Variants in SPMIP2 observed in about 807,000 individuals in gnomAD.
SPMIP2 encodes sperm microtubule inner protein 2.
chr4:158,900,059 T>C, the SPMIP2 span, among the ~76,000 whole-genome samples: 4 of 152,240 alleles, frequency 2.6e-5, no homozygotes, highest in Non-Finnish European at 4.4e-5. Context: ...ATTGTTCTCA[T>C]TGGTTTCAAA....
At chr4:158,932,065 G>A in the SPMIP2 span, among the ~76,000 whole-genome samples, 3 of 152,042 alleles carry the variant, frequency 2.0e-5, no homozygotes, top group Non-Finnish European at 4.4e-5. Context: ...TGAGGTGGGT[G>A]GATAGATTGA....
chr4:158,960,637 C>G, the SPMIP2 span, among the ~76,000 whole-genome samples: 174 of 152,220 alleles, frequency 1.1e-3, no homozygotes, highest in African/African-American at 3.9e-3. Flanking sequence ...TGCTTTCCAG[C>G]TTTATGATTC....
the SPMIP2 span, among the ~76,000 whole-genome samples, chr4:158,957,522 G>A: frequency 3.8e-4 from 58 of 152,254 alleles, no homozygotes; most frequent in Non-Finnish European, 7.9e-4. Flanking sequence ...CATCTCCTGG[G>A]TTCAAGTGAT....
At chr4:159,029,485 G>A in the SPMIP2 span, among the ~76,000 whole-genome samples, 3 of 152,214 alleles carry the variant, frequency 2.0e-5, no homozygotes, top group African/African-American at 7.2e-5. Context: ...TGGATCCACC[G>A]ATAGTTTTTT....
the SPMIP2 span, among the ~76,000 whole-genome samples, chr4:159,061,600 G>C: frequency 6.6e-6 from 1 of 152,086 alleles, no homozygotes; most frequent in Non-Finnish European, 1.5e-5. Context: ...CTGAGGTCAG[G>C]AGTTCAAGAA....
chr4:158,974,888 T>C, the SPMIP2 span, among the ~76,000 whole-genome samples: 1 of 152,178 alleles, frequency 6.6e-6, no homozygotes, highest in African/African-American at 2.4e-5. Context: ...CGCCACACTG[T>C]CTTCCACAAT....
At chr4:158,926,473 A>C in the SPMIP2 span, among the ~76,000 whole-genome samples, 1 of 152,060 alleles carries the variant, frequency 6.6e-6, no homozygotes, top group Non-Finnish European at 1.5e-5. Flanking sequence ...AATATTTACA[A>C]ATTTTTAATT....
the SPMIP2 span, among the ~76,000 whole-genome samples, chr4:158,989,311 A>G: frequency 2.0e-5 from 3 of 152,214 alleles, no homozygotes; most frequent in African/African-American, 7.2e-5. Context: ...ATACTGCCCA[A>G]AGTAATTTAT....
chr4:158,970,806 T>C, the SPMIP2 span, among the ~76,000 whole-genome samples: 12 of 152,220 alleles, frequency 7.9e-5, no homozygotes, highest in Admixed American at 1.3e-4. Flanking sequence ...TTGAAAACAA[T>C]TACTGTTAAA....
At chr4:158,945,426 T>G in the SPMIP2 span, among the ~76,000 whole-genome samples, 1 of 152,174 alleles carries the variant, frequency 6.6e-6, no homozygotes, top group African/African-American at 2.4e-5. Flanking sequence ...ACTGACTGAA[T>G]AAATGAATGG....
At chr4:158,950,123 A>T in the SPMIP2 span, among the ~76,000 whole-genome samples, 377 of 152,330 alleles carry the variant, frequency 2.5e-3, 1 homozygote, top group African/African-American at 8.6e-3. Context: ...AAATCTATAA[A>T]TCAGCAAGTA....
the SPMIP2 span, chr4:159,026,248 A>T: frequency 5.2e-4 from 274 of 530,916 alleles, 2 homozygotes; most frequent in African/African-American, 4.6e-3. Flanking sequence ...GCCAGAGTGT[A>T]TCATCATTTG....
the SPMIP2 span, among the ~76,000 whole-genome samples, chr4:158,919,947 T>G: frequency 3.3e-5 from 5 of 152,092 alleles, no homozygotes; most frequent in Non-Finnish European, 7.4e-5. Context: ...TGAAGGAACT[T>G]GTTGGAGGTG....
the SPMIP2 span, among the ~76,000 whole-genome samples, chr4:159,017,356 T>TACACACACACACACACACAC: frequency 2.7e-5 from 4 of 149,414 alleles, no homozygotes; most frequent in African/African-American, 9.9e-5. Flanking sequence ...CACAAACACA[T>TACACACACACACACACACAC]ACACACACAC....
the SPMIP2 span, among the ~76,000 whole-genome samples, chr4:159,019,739 C>T: frequency 2.6e-5 from 4 of 152,036 alleles, no homozygotes; most frequent in African/African-American, 4.8e-5. Context: ...GTGGCAGGAA[C>T]AAGGTTTTGC....
At chr4:158,984,899 TAAAA>T in the SPMIP2 span, among the ~76,000 whole-genome samples, 7 of 150,602 alleles carry the variant, frequency 4.6e-5, no homozygotes, top group Non-Finnish European at 8.9e-5. Flanking sequence ...GACTAATAAA[TAAAA>T]AAAGAGAGAA....
the SPMIP2 span, among the ~76,000 whole-genome samples, chr4:158,926,643 A>T: frequency 3.9e-5 from 6 of 152,156 alleles, no homozygotes; most frequent in African/African-American, 1.4e-4. Context: ...TTCTGTTGTC[A>T]TAAGGTAAAG....
the SPMIP2 span, among the ~76,000 whole-genome samples, chr4:159,051,907 T>G: frequency 6.6e-6 from 1 of 152,126 alleles, no homozygotes; most frequent in African/African-American, 2.4e-5. Flanking sequence ...CTCCTGCGCT[T>G]TCATTTCCTC....
the SPMIP2 span, among the ~76,000 whole-genome samples, chr4:158,987,517 T>G: frequency 6.6e-6 from 1 of 151,994 alleles, no homozygotes; most frequent in Admixed American, 6.6e-5. Context: ...TCATTTTCAG[T>G]CAACTATCGC....
Sources: gnomAD v4.1 joint callset for allele counts (sites outside exome capture counted in the v4.1 genomes callset) on GRCh38, gnomAD v4.1.1 for gene constraint, MANE v1.5 for transcripts, NCBI Gene and HGNC (gene_info 2026-07-23, HGNC 2026-07-21) for gene names.